The following MYO18B variants were observed in gnomAD, a reference collection of about 807,000 sequenced individuals.
MYO18B encodes the protein myosin XVIIIB.
Under a neutral mutation model 273.0 loss-of-function variants are expected in MYO18B, and 204 were observed. The ratio of observed to expected loss-of-function variants is 0.75; its 90% CI spans 0.67 to 0.84. The LOEUF is 0.84. Ranked by LOEUF, MYO18B falls within the 40% of genes least tolerant of loss-of-function variation. The pLI is 0.00. For synonymous variants in MYO18B, 1,330 were observed against 1,305.7 expected (o/e 1.02, Z -0.40); for missense variants, 3,212 against 3,287.6 (o/e 0.98, Z 0.56).
chr22:25,757,094 A>G (rs983391533), intron 1 of MYO18B, among the ~76,000 whole-genome samples: 1 of 152,132 alleles, frequency 6.6e-6, no homozygotes, highest in African/African-American at 2.4e-5. Flanking sequence ...ATTGTTAACT[A>G]TAGTCATATA....
chr22:25,752,391 T>G (rs1438991272), intron 1 of MYO18B, among the ~76,000 whole-genome samples: 5 of 151,088 alleles, frequency 3.3e-5, no homozygotes, highest in Non-Finnish European at 7.4e-5. Flanking sequence ...GTTTCACCGT[T>G]TTAGCCGGGA....
chr22:25,857,963 A>G (rs1423225464), intron 21 of MYO18B, among the ~76,000 whole-genome samples: 2 of 152,226 alleles, frequency 1.3e-5, no homozygotes, highest in African/African-American at 4.8e-5. Flanking sequence ...AGCTGGGTCT[A>G]TTGTTTTAAT....
intron 1 of MYO18B, among the ~76,000 whole-genome samples, chr22:25,747,839 C>G (rs946507553): frequency 6.6e-6 from 1 of 152,148 alleles, no homozygotes. Context: ...ATCTAGTACT[C>G]AAACCGCTCC....
chr22:25,987,420 A>C (rs2093213891), intron 39 of MYO18B, among the ~76,000 whole-genome samples: 1 of 152,200 alleles, frequency 6.6e-6, no homozygotes, highest in Admixed American at 6.5e-5. Flanking sequence ...GCAAGTATGC[A>C]TATTATCTAC....
chr22:25,841,589 T>A (rs2090083698), intron 17 of MYO18B, among the ~76,000 whole-genome samples: 2 of 151,958 alleles, frequency 1.3e-5, no homozygotes, highest in African/African-American at 2.4e-5. Context: ...CAGTGTCATC[T>A]TCTAGAAACT....
Position 25,973,444 on chromosome 22 carries a change from C to CTCCCATGAAA in MYO18B, c.6156+18087_6156+18088insAAATCCCATG, listed in dbSNP as rs1458573643. On this transcript the variant is annotated intron_variant, in intron 39 of 43. Transcript: ENST00000335473. The stretch of plus-strand genomic sequence containing the variant: ...CTTGGCCTGGAGTTCCTCCAGTTTT[C>CTCCCATGAAA]TCCCATGGGGTGATTTCAGCAGACA... Among the ~76,000 whole-genome samples, 5 of 152,344 alleles carry CTCCCATGAAA rather than the reference C, an allele frequency of 3.3e-5. No homozygotes were observed. In the East Asian group the frequency reaches 9.6e-4, roughly 29 times the overall value.
intron 11 of MYO18B, among the ~76,000 whole-genome samples, chr22:25,794,403 C>T (rs939294837): frequency 5.0e-4 from 75 of 150,374 alleles, no homozygotes; most frequent in African/African-American, 1.8e-3. Flanking sequence ...GACAGGGTCT[C>T]ACTCTTGCTC....
chr22:25,758,550 C>G (rs748666102), intron 1 of MYO18B, among the ~76,000 whole-genome samples: 5 of 151,686 alleles, frequency 3.3e-5, no homozygotes, highest in Non-Finnish European at 7.4e-5. Context: ...CCGACGCACA[C>G]AGGAGCGTGG....
chr22:25,754,511 C>T (rs2086046354), intron 1 of MYO18B, among the ~76,000 whole-genome samples: 2 of 152,104 alleles, frequency 1.3e-5, no homozygotes, highest in South Asian at 4.1e-4. Context: ...TATGTGTACG[C>T]GGAAAACAGT....
intron 1 of MYO18B, among the ~76,000 whole-genome samples, chr22:25,758,860 C>A (rs946997893): frequency 9.2e-5 from 14 of 151,944 alleles, no homozygotes; most frequent in African/African-American, 3.4e-4. Flanking sequence ...CAGGTTCACA[C>A]CATTCTGCCT....
chr22:26,027,743 GC>G lies in MYO18B; in HGVS notation c.*12+55del. 6.7e-7 allele frequency: 1 copy of G among 1,493,886 alleles called. No individual in the cohort carries two copies. Among genetic ancestry groups the G allele is most frequent in the South Asian group, 1.4e-5 (1 of 72,912 alleles). The allele number at this position is 1,493,886 out of a possible 1,614,324, so 92.5% of individuals were successfully genotyped here. ...TGGGGGAATGAGAGTTCACCTTGCA[GC>G]CTTGGGGAGAGCAGGTGCCACTACT... is the stretch of plus-strand genomic sequence containing the variant. On this transcript the variant is annotated intron_variant, in intron 43 of 43. Coordinates refer to ENST00000335473, the MANE Select transcript of MYO18B (RefSeq NM_032608.7). This position sits in a 1 kb window ranked among gnomAD's most constrained non-coding sequence, Gnocchi z 4.1.
At chr22:25,907,506 A>G (rs147792055) in intron 31 of MYO18B, among the ~76,000 whole-genome samples, 2 of 152,338 alleles carry the variant, frequency 1.3e-5, no homozygotes, top group East Asian at 1.9e-4. Flanking sequence ...GGTGCTTTAT[A>G]TCATCATTTA....
intron 23 of MYO18B, among the ~76,000 whole-genome samples, chr22:25,875,849 G>A (rs189727547): frequency 6.6e-6 from 1 of 152,254 alleles, no homozygotes; most frequent in Non-Finnish European, 1.5e-5. Context: ...CTTGCATGAT[G>A]ACCTTTAAAC....
At chr22:26,061,659 T>A in the MYO18B span, among the ~76,000 whole-genome samples, 1 of 145,476 alleles carries the variant, frequency 6.9e-6, no homozygotes, top group Non-Finnish European at 1.5e-5. Context: ...CCAAGAAAGG[T>A]CATCTACCAC....
chr22:25,768,425 C>A lies in MYO18B; in HGVS notation c.509C>A (p.Thr170Asn). The A allele has an allele frequency of 6.2e-7, 1 of 1,613,404 alleles. No homozygotes were observed. The highest frequency in any genetic ancestry group is 8.5e-7 in the Non-Finnish European group (1 of 1,179,716). The change falls in exon 4 of 44, where the codon ACT (threonine) becomes AAT (asparagine). Residue 170 changes from threonine to asparagine, a missense_variant. Coordinates refer to ENST00000335473, the MANE Select transcript of MYO18B (RefSeq NM_032608.7). ...LDPDSAKPEK[T>N]HPHDAPPCKT... ...CCGGACTCAGCCAAGCCAGAGAAGA[C>A]TCATCCCCATGACGCCCCCCCTTGC... is the stretch of plus-strand genomic sequence containing the variant.
intron 42 of MYO18B, among the ~76,000 whole-genome samples, chr22:26,015,838 G>A (rs574842061): frequency 1.3e-5 from 2 of 152,130 alleles, no homozygotes; most frequent in East Asian, 1.9e-4. Flanking sequence ...AGGGAAACAC[G>A]AACTTTCACT....
chr22:26,017,025 TTTCCTTCC>T (rs59617056), intron 42 of MYO18B, among the ~76,000 whole-genome samples: 2,049 of 124,182 alleles, frequency 0.017, 50 homozygotes, highest in East Asian at 0.05. Context: ...ATTAGGCTAA[TTTCCTTCC>T]TTCCTTCCTT....
intron 1 of MYO18B, among the ~76,000 whole-genome samples, chr22:25,755,779 G>A (rs891931934): frequency 2.0e-5 from 3 of 152,244 alleles, no homozygotes; most frequent in South Asian, 2.1e-4. Flanking sequence ...CTCTCATCAC[G>A]TGATGCCAGC....
At chr22:25,778,052 G>A (rs369072173) in intron 8 of MYO18B, among the ~76,000 whole-genome samples, 19 of 152,192 alleles carry the variant, frequency 1.2e-4, no homozygotes, top group African/African-American at 4.6e-4. Flanking sequence ...ATACTTGACT[G>A]CCATCTGCTG....
Sources: gnomAD v4.1 joint callset for allele counts (sites outside exome capture counted in the v4.1 genomes callset) on GRCh38, gnomAD v4.1.1 for gene constraint, Gnocchi (gnomAD v3.1) non-coding constraint, MANE v1.5 for transcripts, NCBI Gene and HGNC (gene_info 2026-07-23, HGNC 2026-07-21) for gene names.